The following DOCK9 variants were observed in gnomAD, a reference collection of about 807,000 sequenced individuals.
The protein encoded by DOCK9 is dedicator of cytokinesis 9.
In DOCK9, 89 loss-of-function variants were observed where a neutral mutation model predicts 263.3. The observed-to-expected ratio is 0.34, with a 90% confidence interval of 0.28 to 0.40. The LOEUF is 0.40. Ranked by LOEUF, DOCK9 falls within the 10% of genes least tolerant of loss-of-function variation. The pLI is 1.00. For missense variants in DOCK9, 2,140 were observed against 2,603.4 expected, an observed-to-expected ratio of 0.82 and a Z score of 3.87; for synonymous variants, 976 against 973.1, an observed-to-expected ratio of 1.00 and a Z score of -0.06.
chr13:99,047,040 G>A (rs2390183), intron 1 of DOCK9, among the ~76,000 whole-genome samples: 2 of 152,046 alleles, frequency 1.3e-5, no homozygotes, highest in South Asian at 4.1e-4. Context: ...TTTAAAACAC[G>A]GCCAAACAGC....
chr13:98,923,173 C>G, intron 5 of DOCK9, 129 bp downstream of exon 5: 2 of 806,902 alleles, frequency 2.5e-6, no homozygotes, highest in Non-Finnish European at 4.1e-6. Context: ...AAATTATTCC[C>G]GTTTCATGTA....
intron 2 of DOCK9, among the ~76,000 whole-genome samples, chr13:98,948,560 C>T (rs1221087823): frequency 6.6e-6 from 1 of 152,170 alleles, no homozygotes; most frequent in Non-Finnish European, 1.5e-5. Flanking sequence ...ACATAAAACA[C>T]AAAATATACC....
At chr13:99,078,243 T>C (rs566531599) in intron 1 of DOCK9, among the ~76,000 whole-genome samples, 3 of 152,156 alleles carry the variant, frequency 2.0e-5, no homozygotes, top group African/African-American at 7.2e-5. Context: ...GAGATAAAAC[T>C]GTGGAAATTG....
chr13:99,045,474 G>C (rs927689827), intron 1 of DOCK9, among the ~76,000 whole-genome samples: 2 of 152,138 alleles, frequency 1.3e-5, no homozygotes, highest in Non-Finnish European at 1.5e-5. Flanking sequence ...CAGAAGTAGA[G>C]AGTAGAATGG....
intron 32 of DOCK9, 51 bp from the exon 33 acceptor site, chr13:98,860,573 C>T: frequency 6.7e-7 from 1 of 1,496,458 alleles, no homozygotes; most frequent in East Asian, 2.5e-5. Flanking sequence ...GAAAGGATTC[C>T]TCCCCTGTTC....
chr13:98,868,360 T>C lies in DOCK9; in HGVS notation c.2961A>G (p.Arg987=), dbSNP rs1388156603. 30 of 1,612,022 alleles carry C rather than the reference T, an allele frequency of 1.9e-5. No homozygotes were observed. Among genetic ancestry groups the C allele is most frequent in the Non-Finnish European group, 2.5e-5 (30 of 1,179,182 alleles). The change falls in exon 28 of 53, where the codon AGA becomes AGG. Residue 987 remains arginine, a synonymous_variant. Coordinates refer to ENST00000682017, the MANE Select transcript of DOCK9 (RefSeq NM_001366683.2). ...CTGCATGATGATAGGATGCAGGAAA[T>C]CTCTGGTTTCGCAGCAACTAAAAAG... ...NSKVKLLRNQ[R]FPASYHHAVE... is the part of the protein sequence containing the mutation.
At chr13:98,966,285 G>A (rs1249310928) in intron 1 of DOCK9, among the ~76,000 whole-genome samples, 2 of 152,220 alleles carry the variant, frequency 1.3e-5, no homozygotes, top group Admixed American at 1.3e-4. Flanking sequence ...TACCGGCCAT[G>A]GGCCAACACC....
intron 15 of DOCK9, among the ~76,000 whole-genome samples, chr13:98,892,782 T>G (rs2139121917): frequency 6.6e-6 from 1 of 152,252 alleles, no homozygotes. Flanking sequence ...AGTATCTAGA[T>G]CTATCGAGAG....
chr13:98,927,644 G>A (rs1007071585), intron 3 of DOCK9, among the ~76,000 whole-genome samples: 3 of 150,480 alleles, frequency 2.0e-5, no homozygotes, highest in Admixed American at 6.6e-5. Flanking sequence ...TTTTTAAGAC[G>A]GAATCTTGCT....
intron 49 of DOCK9, 94 bp from the exon 50 acceptor site, chr13:98,800,572 A>G (rs2139942458): frequency 7.3e-7 from 1 of 1,378,218 alleles, no homozygotes; most frequent in Non-Finnish European, 9.7e-7. Context: ...TATACATGTC[A>G]TTATTACTTA....
chr13:98,804,583 C>T (rs528872717), intron 49 of DOCK9, among the ~76,000 whole-genome samples: 64 of 126,902 alleles, frequency 5.0e-4, no homozygotes, highest in African/African-American at 1.5e-3. Flanking sequence ...AGCCTGAGAC[C>T]GCTGAGCAGG....
At chr13:98,864,802 G>A (rs2093973582) in intron 30 of DOCK9, among the ~76,000 whole-genome samples, 1 of 152,072 alleles carries the variant, frequency 6.6e-6, no homozygotes, top group Non-Finnish European at 1.5e-5. Context: ...TCATGGGGGC[G>A]AATCCCTCAT....
At chr13:98,860,829 C>T (rs1361621690) in intron 32 of DOCK9, among the ~76,000 whole-genome samples, 1 of 152,174 alleles carries the variant, frequency 6.6e-6, no homozygotes, top group African/African-American at 2.4e-5. Context: ...GGACGCCCAA[C>T]ATTTCCTTAG....
At chr13:98,979,400 G>A (rs1876514888), upstream of DOCK9, among the ~76,000 whole-genome samples, 1 of 152,054 alleles carries the variant, frequency 6.6e-6, no homozygotes, top group African/African-American at 2.4e-5. Flanking sequence ...ACGCAGCCAG[G>A]AGGGCTCAGA....
In DOCK9 at chr13:98,850,087, C is replaced by A; in HGVS notation, c.3973G>T (p.Ala1325Ser). 6.4e-7 allele frequency: 1 copy of A among 1,554,278 alleles called. No individual in the cohort carries two copies. Residue 1325 changes from alanine (A) to serine (S), a missense_variant, in exon 36 of 53, where the codon GCT (alanine) becomes TCT (serine). Physicochemically the swap from Ala to Ser is moderately conservative, Grantham distance 99. This residue lies in a region of DOCK9 where 1,521 missense variants were observed against 1,741.7 expected (regional missense o/e 0.87). Transcript: ENST00000682017. The stretch of plus-strand genomic sequence containing the variant: ...AAATCCATAAGTTCAGATGTTGAAG[C>A]CTTGTTCCAATATGTAAACAAAGCA... ...DDALFTYWNKASTSELMDFFT... is the reference protein window; with the variant it reads ...DDALFTYWNKSSTSELMDFFT...
At chr13:98,822,928 C>T (rs1179361007) in intron 45 of DOCK9, among the ~76,000 whole-genome samples, 1 of 151,946 alleles carries the variant, frequency 6.6e-6, no homozygotes, top group Non-Finnish European at 1.5e-5. Flanking sequence ...GGTTCTTAAA[C>T]TTTTTGAGCT....
At chr13:98,906,223 T>C (rs1212021717) in intron 9 of DOCK9, among the ~76,000 whole-genome samples, 2 of 151,220 alleles carry the variant, frequency 1.3e-5, no homozygotes, top group East Asian at 1.9e-4. Context: ...GCCTTGGGAG[T>C]GGATGAGATG....
At chr13:98,951,750 C>A (rs1163596722) in intron 2 of DOCK9, among the ~76,000 whole-genome samples, 1 of 152,148 alleles carries the variant, frequency 6.6e-6, no homozygotes, top group Non-Finnish European at 1.5e-5. Flanking sequence ...GCAAGGAGAA[C>A]CATGAAGCCA....
At position 98,923,811 on chromosome 13, in the gene DOCK9, C is replaced by T. The variant is rs747463220; in HGVS notation, c.417-440G>A. On this transcript the variant is annotated intron_variant, in intron 4 of 52. Coordinates refer to ENST00000682017, the MANE Select transcript of DOCK9 (RefSeq NM_001366683.2). ...GCTTACATTTACTCAATGGGTATGA[C>T]GTGCTAGGCCCTGCGCACTTCTCAT... 3.3e-4 allele frequency among the ~76,000 whole-genome samples: 50 copies of T among 152,142 alleles called. 1 individual carries two copies. Among genetic ancestry groups the T allele is most frequent in the Non-Finnish European group, 4.6e-4 (31 of 68,024 alleles).
Sources: gnomAD v4.1 joint callset for allele counts (sites outside exome capture counted in the v4.1 genomes callset) on GRCh38, gnomAD v4.1.1 for gene constraint, gnomAD v4.1.1 regional missense constraint, MANE v1.5 for transcripts, NCBI Gene and HGNC (gene_info 2026-07-23, HGNC 2026-07-21) for gene names.